Variants in GALNT13 observed in about 807,000 individuals in gnomAD.
GALNT13 encodes the protein polypeptide N-acetylgalactosaminyltransferase 13.
GALNT13 carries 28 observed loss-of-function variants against 64.2 expected under a neutral mutation model. That is an observed-to-expected ratio of 0.44 (90% CI 0.32 to 0.60). The LOEUF is 0.60. Ranked by LOEUF, GALNT13 falls within the 20% of genes least tolerant of loss-of-function variation. The pLI is 0.05. For synonymous variants in GALNT13, 214 were observed against 224.6 expected (o/e 0.95, Z 0.42); for missense variants, 577 against 669.8 (o/e 0.86, Z 1.53).
chr2:154,354,233 A>G (rs1256880291), intron 9 of GALNT13, among the ~76,000 whole-genome samples: 1 of 151,970 alleles, frequency 6.6e-6, no homozygotes, highest in Non-Finnish European at 1.5e-5. Context: ...TCTTTTGCAC[A>G]TTTTTTAATT....
At chr2:153,606,540 C>T in the GALNT13 span, among the ~76,000 whole-genome samples, 1 of 152,166 alleles carries the variant, frequency 6.6e-6, no homozygotes, top group Admixed American at 6.6e-5. Flanking sequence ...TTATGTGTGG[C>T]TCAAGACAAT....
chr2:154,091,063 G>T (rs10193409), intron 3 of GALNT13, among the ~76,000 whole-genome samples: 35,891 of 151,560 alleles, frequency 0.24, 4,602 homozygotes, highest in Non-Finnish European at 0.28. Context: ...GCATAAACAG[G>T]TTATAATATT....
the GALNT13 span, among the ~76,000 whole-genome samples, chr2:153,324,650 T>C: frequency 6.6e-6 from 1 of 152,214 alleles, no homozygotes; most frequent in Non-Finnish European, 1.5e-5. Context: ...TTTTGAGATA[T>C]GTCCCATTAA....
intron 3 of GALNT13, among the ~76,000 whole-genome samples, chr2:154,030,019 A>G (rs1420591253): frequency 6.6e-6 from 1 of 152,146 alleles, no homozygotes; most frequent in Non-Finnish European, 1.5e-5. Flanking sequence ...TGTATTTGCA[A>G]TCTTCTGGGA....
the GALNT13 span, among the ~76,000 whole-genome samples, chr2:153,444,197 T>G: frequency 6.6e-6 from 1 of 152,172 alleles, no homozygotes; most frequent in African/African-American, 2.4e-5. Context: ...ACCCACCCGC[T>G]GACCTACCTA....
At chr2:153,888,353 A>G (rs1015102338) in intron 1 of GALNT13, among the ~76,000 whole-genome samples, 7 of 152,090 alleles carry the variant, frequency 4.6e-5, no homozygotes, top group African/African-American at 1.7e-4. Context: ...ATGGTGGTAC[A>G]GAAATAAATT....
the GALNT13 span, among the ~76,000 whole-genome samples, chr2:153,552,575 CT>C: frequency 0.021 from 1,431 of 69,344 alleles, 12 homozygotes; most frequent in African/African-American, 0.061. Flanking sequence ...GCTTCTTCTT[CT>C]TTTTTTTTTT....
the GALNT13 span, among the ~76,000 whole-genome samples, chr2:153,456,402 G>C: frequency 6.6e-6 from 1 of 152,200 alleles, no homozygotes; most frequent in Non-Finnish European, 1.5e-5. Context: ...ATCCTCCAAA[G>C]AAAAAACATG....
At chr2:154,105,877 G>A (rs937829321) in intron 3 of GALNT13, among the ~76,000 whole-genome samples, 2 of 152,102 alleles carry the variant, frequency 1.3e-5, no homozygotes, top group Non-Finnish European at 2.9e-5. Flanking sequence ...AGTTGTCTCT[G>A]ACTAGTACCT....
the GALNT13 span, among the ~76,000 whole-genome samples, chr2:153,858,442 G>C: frequency 2.0e-5 from 3 of 152,202 alleles, no homozygotes; most frequent in Non-Finnish European, 4.4e-5. Flanking sequence ...GAGAGAAACA[G>C]AAGGTGATTA....
intron 1 of GALNT13, among the ~76,000 whole-genome samples, chr2:153,891,807 G>A (rs1687571536): frequency 6.6e-6 from 1 of 151,550 alleles, no homozygotes; most frequent in African/African-American, 2.4e-5. Context: ...ATCATTCAAG[G>A]TCCTTCTTAG....
intron 3 of GALNT13, among the ~76,000 whole-genome samples, chr2:154,088,515 G>T (rs1281325798): frequency 2.0e-5 from 3 of 152,106 alleles, no homozygotes; most frequent in African/African-American, 7.2e-5. Flanking sequence ...GCAATGGCAC[G>T]ATCTTGGCTC....
At chr2:153,446,264 C>T in the GALNT13 span, among the ~76,000 whole-genome samples, 1 of 152,072 alleles carries the variant, frequency 6.6e-6, no homozygotes, top group Non-Finnish European at 1.5e-5. Context: ...GAATTTGGAA[C>T]CAGGTGAAAT....
the GALNT13 span, among the ~76,000 whole-genome samples, chr2:153,164,817 T>C: frequency 1.3e-5 from 2 of 152,200 alleles, no homozygotes; most frequent in African/African-American, 4.8e-5. Context: ...GTACTCATTG[T>C]GCACCAACTC....
At chr2:153,078,727 C>T in the GALNT13 span, among the ~76,000 whole-genome samples, 1 of 152,018 alleles carries the variant, frequency 6.6e-6, no homozygotes, top group Non-Finnish European at 1.5e-5. Flanking sequence ...AGGAAGATCT[C>T]TAGTGTTTCT....
At chr2:154,313,858 C>T (rs1473656580) in intron 9 of GALNT13, among the ~76,000 whole-genome samples, 1 of 149,160 alleles carries the variant, frequency 6.7e-6, no homozygotes, top group African/African-American at 2.5e-5. Flanking sequence ...ACATGGATAC[C>T]TCTAGTCTAA....
At chr2:153,965,148 A>T (rs1303696865) in intron 3 of GALNT13, among the ~76,000 whole-genome samples, 2 of 152,208 alleles carry the variant, frequency 1.3e-5, no homozygotes, top group East Asian at 3.8e-4. Flanking sequence ...TGATGAAATC[A>T]GGGTAATGGA....
the GALNT13 span, among the ~76,000 whole-genome samples, chr2:153,539,866 G>A: frequency 6.6e-6 from 1 of 152,138 alleles, no homozygotes; most frequent in East Asian, 1.9e-4. Context: ...GGATTGTCAG[G>A]CAGAAGAAAT....
intron 8 of GALNT13, among the ~76,000 whole-genome samples, chr2:154,291,082 G>A (rs950471868): frequency 1.3e-5 from 2 of 152,068 alleles, no homozygotes; most frequent in Non-Finnish European, 2.9e-5. Context: ...ACCTTCCACA[G>A]CGTGGAAAGG....
Sources: gnomAD v4.1 joint callset for allele counts (sites outside exome capture counted in the v4.1 genomes callset) on GRCh38, gnomAD v4.1.1 for gene constraint, MANE v1.5 for transcripts, NCBI Gene and HGNC (gene_info 2026-07-23, HGNC 2026-07-21) for gene names.